ABCC2: variants seen among roughly 807,000 people sequenced by gnomAD.
ABCC2 encodes the protein ATP binding cassette subfamily C member 2.
In ABCC2, 157 loss-of-function variants were observed where a neutral mutation model predicts 173.4. The observed-to-expected ratio is 0.91, with a 90% CI of 0.80 to 1.03. The LOEUF is 1.03. ABCC2 is among the 50% of genes least tolerant of loss of function. The pLI, the probability that ABCC2 is intolerant of heterozygous loss-of-function variation, is 0.00. For synonymous variants in ABCC2, 657 were observed against 693.5 expected, an observed-to-expected ratio of 0.95 and a Z score of 0.83; for missense variants, 1,822 against 1,852.3, an observed-to-expected ratio of 0.98 and a Z score of 0.30.
intron 19 of ABCC2, among the ~76,000 whole-genome samples, chr10:99,821,113 A>C (rs1488085478): frequency 1.3e-5 from 2 of 152,242 alleles, no homozygotes; most frequent in African/African-American, 2.4e-5. Context: ...AGTTCTTTGC[A>C]TCATAGACAA....
At chr10:99,830,996 G>A in intron 21 of ABCC2, 145 bp downstream of exon 21, 2 of 887,688 alleles carry the variant, frequency 2.3e-6, no homozygotes, top group Admixed American at 4.4e-5. Context: ...TTATTAACCT[G>A]TTAGCAGAGG....
intron 2 of ABCC2, 97 bp downstream of exon 2, chr10:99,784,878 C>A: frequency 6.8e-7 from 1 of 1,474,546 alleles, no homozygotes. Context: ...CTTTAAGCAG[C>A]TGTCCCAGGT....
chr10:99,829,824 C>T (rs2038708369), intron 19 of ABCC2, among the ~76,000 whole-genome samples: 4 of 152,112 alleles, frequency 2.6e-5, no homozygotes, highest in African/African-American at 7.2e-5. Context: ...TAGAGTTTGC[C>T]TATGTTGCCC....
At chr10:99,846,205 G>A (rs2039015025) in intron 29 of ABCC2, among the ~76,000 whole-genome samples, 1 of 152,200 alleles carries the variant, frequency 6.6e-6, no homozygotes, top group Non-Finnish European at 1.5e-5. Flanking sequence ...GGAACGCTTC[G>A]TGCATCAGCA....
chr10:99,806,019 C>G (rs1288248542), intron 11 of ABCC2, among the ~76,000 whole-genome samples: 1 of 151,280 alleles, frequency 6.6e-6, no homozygotes, highest in Non-Finnish European at 1.5e-5. Context: ...CAAAAAATGT[C>G]CATGCATGAT....
At chr10:99,801,753 A>G (rs1443280542) in intron 9 of ABCC2, among the ~76,000 whole-genome samples, 1 of 152,120 alleles carries the variant, frequency 6.6e-6, no homozygotes, top group Non-Finnish European at 1.5e-5. Context: ...TTTTTCTTCC[A>G]TCACTGGAAA....
intron 24 of ABCC2, among the ~76,000 whole-genome samples, 167 bp downstream of exon 24, chr10:99,834,702 G>T (rs1463697794): frequency 6.6e-6 from 1 of 152,216 alleles, no homozygotes; most frequent in Non-Finnish European, 1.5e-5. Flanking sequence ...ACAGGCCACT[G>T]TCTGAAGCTG....
At chr10:99,790,024 A>G (rs372745107) in intron 2 of ABCC2, among the ~76,000 whole-genome samples, 17 of 152,200 alleles carry the variant, frequency 1.1e-4, no homozygotes, top group African/African-American at 3.6e-4. Flanking sequence ...CATGAATTTC[A>G]TTGGTTTCTA....
chr10:99,802,353 A>G (rs527260531), intron 9 of ABCC2, among the ~76,000 whole-genome samples: 2 of 152,322 alleles, frequency 1.3e-5, no homozygotes, highest in Non-Finnish European at 2.9e-5. Flanking sequence ...CCTATTTTAC[A>G]GAGAAAAATC....
intron 30 of ABCC2, among the ~76,000 whole-genome samples, chr10:99,848,194 A>G (rs190554966): frequency 1.7e-4 from 26 of 152,326 alleles, no homozygotes; most frequent in African/African-American, 5.8e-4. Context: ...ATGACAGGGA[A>G]CGTGACATCT....
At position 99,795,671 on chromosome 10, in the gene ABCC2, T is replaced by A. The variant is rs1590145095; in HGVS notation, c.632+1203T>A. ...CCAAGATCGCACCATTGCACTCCAGTCTGGGCGACAAGAGCAAAATTCCAT... is the reference window on the plus strand; with the variant it reads ...CCAAGATCGCACCATTGCACTCCAGACTGGGCGACAAGAGCAAAATTCCAT... On this transcript the variant is annotated intron_variant, in intron 6 of 31. Coordinates refer to ENST00000647814, the MANE Select transcript of ABCC2 (RefSeq NM_000392.5). Among the ~76,000 whole-genome samples the A allele has an allele frequency of 2.0e-5, 3 of 147,244 alleles. No homozygotes were observed. In the Admixed American group the frequency reaches 2.1e-4, roughly 10 times the overall value.
chr10:99,797,060 C>A, intron 6 of ABCC2, 37 bp from the exon 7 acceptor site: 1 of 1,591,882 alleles, frequency 6.3e-7, no homozygotes, highest in Non-Finnish European at 8.6e-7. Flanking sequence ...TCTGACCCAG[C>A]CTGGGGGTCT....
intron 16 of ABCC2, among the ~76,000 whole-genome samples, chr10:99,814,326 T>C (rs145199004): frequency 0.016 from 2,204 of 137,652 alleles, 125 homozygotes; most frequent in Middle Eastern, 0.069. Context: ...CACACGTATG[T>C]ATACACACAT....
intron 21 of ABCC2, among the ~76,000 whole-genome samples, 199 bp downstream of exon 21, chr10:99,831,050 G>A (rs1295322803): frequency 2.0e-5 from 3 of 152,150 alleles, no homozygotes; most frequent in Non-Finnish European, 2.9e-5. Context: ...AGAATGCTAT[G>A]TTTCCTGTGA....
chr10:99,785,740 A>G (rs191946077), intron 2 of ABCC2, among the ~76,000 whole-genome samples: 2 of 151,952 alleles, frequency 1.3e-5, no homozygotes, highest in East Asian at 3.9e-4. Context: ...CTGGTCTCGA[A>G]CTCCTGACCT....
intron 23 of ABCC2, among the ~76,000 whole-genome samples, chr10:99,832,997 A>G (rs1372397709): frequency 3.9e-5 from 6 of 152,238 alleles, no homozygotes; most frequent in Non-Finnish European, 7.3e-5. Flanking sequence ...ATTCTGAATG[A>G]TAAGTAACTA....
intron 2 of ABCC2, 64 bp downstream of exon 2, chr10:99,784,845 GT>G: frequency 6.3e-7 from 1 of 1,582,172 alleles, no homozygotes; most frequent in Non-Finnish European, 8.7e-7. Flanking sequence ...CATTTTCTTG[GT>G]GGTTAGTGTT....
chr10:99,841,025 C>T (rs893937559), intron 25 of ABCC2, among the ~76,000 whole-genome samples: 26 of 152,198 alleles, frequency 1.7e-4, no homozygotes, highest in Admixed American at 4.6e-4. Flanking sequence ...TAAACTGTGT[C>T]TATACACATG....
rs766395282 is a variant in ABCC2 at position 99,844,339 on chromosome 10, T to G, written c.3861T>G (p.Asp1287Glu). The G allele has an allele frequency of 6.2e-7, 1 of 1,614,080 alleles. No homozygotes were observed. The highest frequency in any genetic ancestry group is 8.5e-7 in the Non-Finnish European group (1 of 1,180,046). Residue 1287 changes from aspartate to glutamate, a missense_variant, in exon 28 of 32, where the codon GAT becomes GAG. Transcript: ENST00000647814. ...KVENEAPWVTDKRPPPDWPSK... is the reference protein window; with the variant it reads ...KVENEAPWVTEKRPPPDWPSK... ...CTTGCCAGGCACCCTGGGTGACTGA[T>G]AAGAGGCCTCCGCCAGATTGGCCCA...
Sources: gnomAD v4.1 joint callset for allele counts (sites outside exome capture counted in the v4.1 genomes callset) on GRCh38, gnomAD v4.1.1 for gene constraint, MANE v1.5 for transcripts, NCBI Gene and HGNC (gene_info 2026-07-23, HGNC 2026-07-21) for gene names.